The following ATP6V1C2 variants were observed in gnomAD, a reference collection of about 807,000 sequenced individuals.
The protein encoded by ATP6V1C2 is V-type proton ATPase subunit C 2.
Under a neutral mutation model 56.8 loss-of-function variants are expected in ATP6V1C2, and 45 were observed. The observed-to-expected ratio is 0.79, with a 90% CI of 0.62 to 1.02. The LOEUF (loss-of-function observed/expected upper bound fraction) is 1.02, where lower values mean the gene tolerates loss of function less well. Ranked by LOEUF, ATP6V1C2 falls within the 50% of genes least tolerant of loss-of-function variation. The pLI, the probability that ATP6V1C2 is intolerant of heterozygous loss-of-function variation, is 0.00. For missense variants in ATP6V1C2, 463 were observed against 519.7 expected (o/e 0.89, Z 1.06); for synonymous variants, 220 against 201.3 (o/e 1.09, Z -0.79).
intron 3 of ATP6V1C2, among the ~76,000 whole-genome samples, 197 bp from the exon 4 acceptor site, chr2:10,753,784 C>T (rs1193388155): frequency 2.0e-5 from 3 of 152,058 alleles, no homozygotes; most frequent in Admixed American, 2.0e-4. Flanking sequence ...CTGCCTTGGC[C>T]TCCCAAAGTG....
In ATP6V1C2 at chr2:10,729,787, C is replaced by T. The variant is rs538155173; in HGVS notation, c.197+3218C>T. ...AAAGGATTGCTTGAGCCCAGGAGGT[C>T]GAGGCTGAGCTGAGCTGTGATCGTG... On this transcript the variant is annotated intron_variant, in intron 3 of 13. Coordinates refer to ENST00000272238, the MANE Select transcript of ATP6V1C2 (RefSeq NM_001039362.2). 9.9e-5 allele frequency among the ~76,000 whole-genome samples: 15 copies of T among 152,160 alleles called. No homozygotes were observed. In the South Asian group the frequency reaches 1.2e-3, roughly 13 times the overall value.
intron 6 of ATP6V1C2, among the ~76,000 whole-genome samples, chr2:10,769,060 C>T (rs1425545608): frequency 1.3e-5 from 2 of 152,214 alleles, no homozygotes; most frequent in African/African-American, 2.4e-5. Flanking sequence ...CCTCACCGCA[C>T]GCTTCCATCT....
intron 3 of ATP6V1C2, among the ~76,000 whole-genome samples, chr2:10,738,340 C>T (rs886461775): frequency 1.3e-5 from 2 of 152,126 alleles, no homozygotes; most frequent in African/African-American, 2.4e-5. Flanking sequence ...CCAGGCTTCC[C>T]CCAGCTCCCA....
chr2:10,721,181 G>A (rs1172442490), upstream of ATP6V1C2, among the ~76,000 whole-genome samples: 1 of 152,176 alleles, frequency 6.6e-6, no homozygotes, highest in Non-Finnish European at 1.5e-5. Context: ...CCACAGGTGG[G>A]CCCTGTCTCT....
intron 5 of ATP6V1C2, among the ~76,000 whole-genome samples, chr2:10,764,971 C>A (rs1664139577): frequency 7.9e-6 from 1 of 127,012 alleles, no homozygotes; most frequent in African/African-American, 2.8e-5. Flanking sequence ...GTTCCGTCCC[C>A]CCACCAAAAA....
At chr2:10,722,069 C>A (rs971183552) in intron 1 of ATP6V1C2, among the ~76,000 whole-genome samples, 19 of 152,286 alleles carry the variant, frequency 1.2e-4, no homozygotes, top group African/African-American at 4.6e-4. Flanking sequence ...CCTGCTTTCC[C>A]CCAGCCGTCC....
In ATP6V1C2 at chr2:10,768,785, C is replaced by G; in HGVS notation, c.445C>G (p.Leu149Val). Residue 149 changes from leucine to valine, a missense_variant, in exon 6 of 14, where the codon CTG becomes GTG. Transcript: ENST00000272238. Reference protein sequence around the residue: ...TAAYNTLKTNLENLEKKSMGN... With the variant: ...TAAYNTLKTNVENLEKKSMGN... ...CGCCTACAACACTCTGAAGACAAAC[C>G]TGGAGAACCTGGAAAAGAAATCCAT... The G allele has an allele frequency of 6.2e-7, 1 of 1,613,932 alleles. No individual in the cohort carries two copies. The highest frequency in any genetic ancestry group is 1.1e-5 in the South Asian group (1 of 91,084).
chr2:10,749,643 G>A (rs903282854), intron 3 of ATP6V1C2, among the ~76,000 whole-genome samples: 1 of 152,090 alleles, frequency 6.6e-6, no homozygotes, highest in African/African-American at 2.4e-5. Flanking sequence ...AGTCTTGCTT[G>A]TTAAAACTGT....
intron 3 of ATP6V1C2, among the ~76,000 whole-genome samples, chr2:10,739,145 T>C (rs1319406762): frequency 6.6e-6 from 1 of 152,060 alleles, no homozygotes; most frequent in Non-Finnish European, 1.5e-5. Context: ...TAGCTGGGCA[T>C]TGTGGCGCAT....
intron 4 of ATP6V1C2, among the ~76,000 whole-genome samples, chr2:10,759,706 C>T (rs540835575): frequency 1.9e-4 from 29 of 152,112 alleles, no homozygotes; most frequent in Non-Finnish European, 3.7e-4. Context: ...GGGCTGGGCA[C>T]GGTGGCTCAC....
At position 10,784,643 on chromosome 2, in the gene ATP6V1C2, T is replaced by C; in HGVS notation, c.*1380T>C. 4.0e-6 allele frequency: 2 copies of C among 503,498 alleles called. No homozygotes were observed. Among genetic ancestry groups the C allele is most frequent in the South Asian group, 3.3e-5 (1 of 30,588 alleles). The allele number at this position is 503,498 out of a possible 1,614,324, so 31.2% of individuals were successfully genotyped here. ...TCAAAGCTATCATTTTCTATTTTTC[T>C]AAGATAAAGTAAATGAATTCCAGGT... is the stretch of plus-strand genomic sequence containing the variant. On this transcript the variant is annotated 3_prime_UTR_variant, in exon 14 of 14. Transcript: ENST00000272238.
At position 10,773,213 on chromosome 2, in the gene ATP6V1C2, G is replaced by A. The variant is rs1352589; in HGVS notation, c.638+603G>A. ...GGTCTGAAATGGATGTGAAATGGGCGTGACTCGGGCACACACAGGTGCACA... is the reference window on the plus strand; with the variant it reads ...GGTCTGAAATGGATGTGAAATGGGCATGACTCGGGCACACACAGGTGCACA... On this transcript the variant is annotated intron_variant, in intron 8 of 13. Transcript: ENST00000272238. Among the ~76,000 whole-genome samples the A allele has an allele frequency of 6.8e-3, 1,039 of 152,330 alleles. 11 individuals are homozygous for A. Among genetic ancestry groups the A allele is most frequent in the African/African-American group, 0.023 (973 of 41,570 alleles).
intron 3 of ATP6V1C2, among the ~76,000 whole-genome samples, chr2:10,738,639 C>T (rs1662384712): frequency 6.6e-6 from 1 of 152,160 alleles, no homozygotes. Flanking sequence ...TTTGGACGTT[C>T]CTTATTTTCA....
Position 10,775,099 on chromosome 2 carries a change from C to T in ATP6V1C2, c.825+28C>T, listed in dbSNP as rs144921499. ...GAGTATGTGATTGAGCAGCTCCTCCCGCCCCTACCCGGAGGCCTGGGGATA... is the reference window on the plus strand; with the variant it reads ...GAGTATGTGATTGAGCAGCTCCTCCTGCCCCTACCCGGAGGCCTGGGGATA... On this transcript the variant is annotated intron_variant, in intron 10 of 13. Coordinates refer to ENST00000272238, the MANE Select transcript of ATP6V1C2 (RefSeq NM_001039362.2). 5.6e-4 allele frequency: 875 copies of T among 1,556,302 alleles called. 6 individuals are homozygous for T. The African/African-American group carries it at 0.011, about 19-fold the overall frequency.
chr2:10,736,554 A>G (rs1167694255), intron 3 of ATP6V1C2, among the ~76,000 whole-genome samples: 1 of 152,130 alleles, frequency 6.6e-6, no homozygotes, highest in Non-Finnish European at 1.5e-5. Context: ...CAACTTTTTA[A>G]TACATTGATC....
Position 10,779,428 on chromosome 2 carries a change from AAT to A in ATP6V1C2, c.1061+772_1061+773del, listed in dbSNP as rs1553335345. The stretch of plus-strand genomic sequence containing the variant: ...CCGGCCTTTGCCTAATAAAAAAAAA[AAT>A]ATATATATATATGTATGTATATATA... On this transcript the variant is annotated intron_variant, in intron 12 of 13. Transcript: ENST00000272238. 2.2e-3 allele frequency among the ~76,000 whole-genome samples: 298 copies of A among 138,332 alleles called. 3 individuals carry two copies. The highest frequency in any genetic ancestry group is 5.6e-3 in the Admixed American group (78 of 14,032). The allele number at this position is 138,332 out of a possible 152,430, so 90.8% of individuals were successfully genotyped here. A position where few individuals can be genotyped will look rare whatever the true frequency, so the allele number is the denominator to read the frequency against.
At chr2:10,757,526 C>T (rs948815507) in intron 4 of ATP6V1C2, 79 of 398,326 alleles carry the variant, frequency 2.0e-4, no homozygotes, top group African/African-American at 1.1e-3. Context: ...GGTGGAATCT[C>T]GGTCTGGTTG....
At chr2:10,781,913 G>GTT (rs1312736919) in intron 12 of ATP6V1C2, among the ~76,000 whole-genome samples, 1 of 152,194 alleles carries the variant, frequency 6.6e-6, no homozygotes, top group Non-Finnish European at 1.5e-5. Flanking sequence ...GCCGAGCTGG[G>GTT]TTTTAGACAA....
chr2:10,766,885 T>C (rs1348631892), intron 5 of ATP6V1C2, among the ~76,000 whole-genome samples: 1 of 152,166 alleles, frequency 6.6e-6, no homozygotes, highest in African/African-American at 2.4e-5. Context: ...CAGTATGGTA[T>C]GTAGTTGTAT....
Sources: gnomAD v4.1 joint callset for allele counts (sites outside exome capture counted in the v4.1 genomes callset) on GRCh38, gnomAD v4.1.1 for gene constraint, MANE v1.5 for transcripts, NCBI Gene and HGNC (gene_info 2026-07-23, HGNC 2026-07-21) for gene names.